The following ANKRD30B variants were observed in gnomAD, a reference collection of about 807,000 sequenced individuals.
ANKRD30B encodes ankyrin repeat domain-containing protein 30B.
ANKRD30B carries 144 observed loss-of-function variants against 202.2 expected under a neutral mutation model. The ratio of observed to expected loss-of-function variants is 0.71; its 90% CI spans 0.62 to 0.82. The LOEUF (loss-of-function observed/expected upper bound fraction) is 0.82. Among genes scored for constraint, ANKRD30B ranks in the 40% least tolerant of loss-of-function variants. The pLI, the probability that ANKRD30B is intolerant of heterozygous loss-of-function variation, is 0.00. For missense variants in ANKRD30B, 1,487 were observed against 1,669.1 expected, an observed-to-expected ratio of 0.89 and a Z score of 1.90; for synonymous variants, 508 against 561.3, an observed-to-expected ratio of 0.91 and a Z score of 1.34.
At chr18:14,880,366 T>C in the ANKRD30B span, among the ~76,000 whole-genome samples, 26 of 151,568 alleles carry the variant, frequency 1.7e-4, no homozygotes, top group South Asian at 3.4e-3. Context: ...CTACATGGCT[T>C]TCTTTTGGTT....
the ANKRD30B span, among the ~76,000 whole-genome samples, chr18:14,873,726 T>C: frequency 6.6e-6 from 1 of 152,094 alleles, no homozygotes; most frequent in South Asian, 2.1e-4. Flanking sequence ...GATGGAGTTC[T>C]CAATAACATC....
the ANKRD30B span, among the ~76,000 whole-genome samples, chr18:14,913,598 A>G: frequency 6.6e-6 from 1 of 152,240 alleles, no homozygotes; most frequent in African/African-American, 2.4e-5. Context: ...GAGGCTTATT[A>G]CGTGGCAAGC....
intron 9 of ANKRD30B, among the ~76,000 whole-genome samples, chr18:14,774,562 C>A (rs1434289517): frequency 1.3e-5 from 2 of 152,044 alleles, no homozygotes. Context: ...TTGGAAGAAG[C>A]AGAATTTATA....
chr18:14,786,906 A>C lies in ANKRD30B; in HGVS notation c.1673-133A>C, dbSNP rs577873090. The C allele has an allele frequency of 4.9e-6, 4 of 815,442 alleles. No homozygotes were observed. The African/African-American group carries it at 5.3e-5, about 11-fold the overall frequency. The allele number at this position is 815,442 out of a possible 1,614,324, so 50.5% of individuals were successfully genotyped here. ...GAGTGACTATAGAAGTAGTCACTGT[A>C]ATCAACAAAAAGAATATACAGGCTA... On this transcript the variant is annotated intron_variant, in intron 14 of 43. Coordinates refer to ENST00000690538, the MANE Select transcript of ANKRD30B (RefSeq NM_001367607.2).
intron 34 of ANKRD30B, among the ~76,000 whole-genome samples, chr18:14,835,671 C>T (rs2143130499): frequency 6.6e-6 from 1 of 151,644 alleles, no homozygotes; most frequent in Admixed American, 6.6e-5. Flanking sequence ...TATATGAAAT[C>T]TTTTCTCCAA....
At position 14,754,899 on chromosome 18, in the gene ANKRD30B, G is replaced by C; in HGVS notation, c.511G>C (p.Ala171Pro). The change falls in exon 4 of 44, where the codon GCT (alanine) becomes CCT (proline). Residue 171 changes from alanine (A) to proline (P), a missense_variant and splice_region_variant. This residue lies in a region of ANKRD30B where 889 missense variants were observed against 841.4 expected (regional missense o/e 1.06). Transcript: ENST00000690538. ...YGAVIEVQNK[A>P]SLTPLLLAIQ... ...TATATATTGTTCTGCTATTTTACAG[G>C]CTAGCCTCACACCCCTTTTACTGGC... is the stretch of plus-strand genomic sequence containing the variant. The C allele has an allele frequency of 6.6e-7, 1 of 1,523,448 alleles. No homozygotes were observed. Among genetic ancestry groups the C allele is most frequent in the Non-Finnish European group, 8.8e-7 (1 of 1,137,794 alleles). 94.4% of individuals were successfully genotyped at this position (1,523,448 alleles called of 1,614,324 possible). A position where few individuals can be genotyped will look rare whatever the true frequency, so the allele number is the denominator to read the frequency against.
At chr18:14,828,611 CT>C (rs1598688905) in intron 33 of ANKRD30B, among the ~76,000 whole-genome samples, 1 of 152,188 alleles carries the variant, frequency 6.6e-6, no homozygotes, top group Admixed American at 6.5e-5. Flanking sequence ...TCCCTTCCCC[CT>C]TGGCATAGAT....
chr18:14,867,176 A>G, the ANKRD30B span, among the ~76,000 whole-genome samples: 2 of 149,480 alleles, frequency 1.3e-5, no homozygotes, highest in Non-Finnish European at 3.0e-5. Flanking sequence ...TGGTGCTGCA[A>G]CACCCGTGGC....
the ANKRD30B span, among the ~76,000 whole-genome samples, chr18:14,884,442 A>G: frequency 6.6e-6 from 1 of 152,052 alleles, no homozygotes; most frequent in Non-Finnish European, 1.5e-5. Flanking sequence ...GAGAAAACAA[A>G]TATTTGTTTC....
the ANKRD30B span, among the ~76,000 whole-genome samples, chr18:14,920,142 G>A: frequency 1.3e-5 from 2 of 152,220 alleles, no homozygotes; most frequent in African/African-American, 4.8e-5. Context: ...AGTACAGGCT[G>A]ACCATGTTGC....
chr18:14,858,749 C>T (rs1365387244), downstream of ANKRD30B, among the ~76,000 whole-genome samples: 4 of 145,312 alleles, frequency 2.8e-5, no homozygotes, highest in Admixed American at 2.7e-4. Flanking sequence ...AGGTGCTCCT[C>T]ACCTCCCAGG....
chr18:14,903,110 T>G, the ANKRD30B span, among the ~76,000 whole-genome samples: 2 of 152,214 alleles, frequency 1.3e-5, no homozygotes, highest in Non-Finnish European at 2.9e-5. Flanking sequence ...CTCTCCTGAC[T>G]TCAGGTGGCT....
chr18:14,891,364 T>C, the ANKRD30B span, among the ~76,000 whole-genome samples: 4 of 145,484 alleles, frequency 2.7e-5, no homozygotes, highest in Non-Finnish European at 4.5e-5. Flanking sequence ...ATATGTTGCA[T>C]ATAAAGCCCT....
intron 24 of ANKRD30B, among the ~76,000 whole-genome samples, chr18:14,807,795 G>T (rs181358876): frequency 6.6e-6 from 1 of 150,930 alleles, no homozygotes; most frequent in Non-Finnish European, 1.5e-5. Flanking sequence ...GGTTTCCAAG[G>T]TTCTGGAGAT....
chr18:14,920,560 A>C, the ANKRD30B span, among the ~76,000 whole-genome samples: 3 of 152,172 alleles, frequency 2.0e-5, no homozygotes, highest in Non-Finnish European at 4.4e-5. Flanking sequence ...AGCACAAAAG[A>C]AAAAAATGAG....
At chr18:14,852,854 A>G (rs527543743) in intron 42 of ANKRD30B, 1 of 152,686 alleles carries the variant, frequency 6.5e-6, no homozygotes, top group African/African-American at 2.4e-5. Context: ...ACAGAAGTGT[A>G]TTTGAAGTAT....
chr18:14,920,290 C>T, the ANKRD30B span, among the ~76,000 whole-genome samples: 12 of 152,346 alleles, frequency 7.9e-5, no homozygotes, highest in East Asian at 3.9e-4. Context: ...GGCTTCTTGA[C>T]GCTCAACTGA....
chr18:14,869,460 A>G, the ANKRD30B span, among the ~76,000 whole-genome samples: 12 of 152,138 alleles, frequency 7.9e-5, no homozygotes, highest in East Asian at 2.1e-3. Flanking sequence ...CGTTTTTTAT[A>G]TTTATAATAT....
At chr18:14,858,648 A>T (rs1972137482), downstream of ANKRD30B, among the ~76,000 whole-genome samples, 1 of 114,216 alleles carries the variant, frequency 8.8e-6, no homozygotes, top group African/African-American at 3.4e-5. Flanking sequence ...TACCAGACGA[A>T]GGGCAGCCAG....
Sources: gnomAD v4.1 joint callset for allele counts (sites outside exome capture counted in the v4.1 genomes callset) on GRCh38, gnomAD v4.1.1 for gene constraint, gnomAD v4.1.1 regional missense constraint, MANE v1.5 for transcripts, NCBI Gene and HGNC (gene_info 2026-07-23, HGNC 2026-07-21) for gene names.